C4orf50: variants seen among roughly 807,000 people sequenced by gnomAD.
C4orf50 encodes chromosome 4 open reading frame 50, also known as uncharacterized protein C4orf50.
C4orf50 carries 80 observed loss-of-function variants against 77.2 expected under a neutral mutation model. That is an observed-to-expected ratio of 1.04 (90% CI 0.87 to 1.25). C4orf50 has a LOEUF of 1.25. Ranked by LOEUF, C4orf50 falls within the 50% of genes most tolerant of loss-of-function variation. The pLI is 0.00. For synonymous variants in C4orf50, 532 were observed against 465.3 expected, an observed-to-expected ratio of 1.14 and a Z score of -1.84; for missense variants, 1,257 against 1,152.9, an observed-to-expected ratio of 1.09 and a Z score of -1.31.
chr4:5,930,700 C>T (rs558281374), intron 7 of C4orf50, among the ~76,000 whole-genome samples: 10 of 152,284 alleles, frequency 6.6e-5, no homozygotes, highest in South Asian at 6.2e-4. Context: ...TCTCCAGAGC[C>T]GGATCCCCCT....
chr4:5,952,903 G>A (rs999002067), downstream of C4orf50, among the ~76,000 whole-genome samples: 4 of 152,166 alleles, frequency 2.6e-5, no homozygotes, highest in Non-Finnish European at 4.4e-5. The surrounding 1 kb of genome is among the most constrained non-coding windows in gnomAD (Gnocchi z 4.4). Flanking sequence ...ATTCCCTATC[G>A]TAAGTTTTGG....
At chr4:5,980,404 A>C (rs1427297835) in intron 28 of C4orf50, 66 bp from the exon 7 acceptor site, 3 of 1,471,338 alleles carry the variant, frequency 2.0e-6, no homozygotes, top group Admixed American at 2.4e-5. Context: ...CTTAGCCAAC[A>C]AACGGTACCC....
At chr4:5,906,184 C>T (rs1366766743) in intron 7 of C4orf50, among the ~76,000 whole-genome samples, 2 of 151,210 alleles carry the variant, frequency 1.3e-5, no homozygotes, top group Non-Finnish European at 2.9e-5. Flanking sequence ...AGGAGATGAA[C>T]CTGTGACGGT....
rs1722477843 is a variant in C4orf50, at chr4:6,011,126, T to C, written c.426+704A>G. Among the ~76,000 whole-genome samples the C allele has an allele frequency of 6.6e-6, 1 of 151,998 alleles. No individual in the cohort carries two copies. The highest frequency in any genetic ancestry group is 1.5e-5 in the Non-Finnish European group (1 of 68,012). On this transcript the variant is annotated intron_variant, in intron 24 of 33. Coordinates refer to ENST00000531445, the Ensembl canonical transcript of C4orf50. This position sits in a 1 kb window ranked among gnomAD's most constrained non-coding sequence, Gnocchi z 4.2. ...AACTTCTCCCCCTGCCTCCATCATC[T>C]CTCTCTCCCATGCAGGGAGAATGGC...
At chr4:5,976,038 A>C in intron 29 of C4orf50, 83 bp from the exon 8 acceptor site, 2 of 1,169,002 alleles carry the variant, frequency 1.7e-6, no homozygotes, top group Non-Finnish European at 2.6e-6. Flanking sequence ...TGGGCTCAGA[A>C]CAGCTGGCAG....
At chr4:5,976,228 G>C (rs1047842257) in intron 29 of C4orf50, among the ~76,000 whole-genome samples, 2 of 151,778 alleles carry the variant, frequency 1.3e-5, no homozygotes, top group Non-Finnish European at 2.9e-5. Flanking sequence ...GGCGGATCAC[G>C]AGGTCAGGAG....
intron 33 of C4orf50, among the ~76,000 whole-genome samples, chr4:5,961,370 T>C (rs982145609): frequency 6.6e-6 from 1 of 152,248 alleles, no homozygotes; most frequent in Non-Finnish European, 1.5e-5. Context: ...ATGAAATTAC[T>C]GTTTCTGAGG....
At chr4:5,986,400 C>T in intron 28 of C4orf50, among the ~76,000 whole-genome samples, 1 of 110,750 alleles carries the variant, frequency 9.0e-6, no homozygotes, top group Non-Finnish European at 1.8e-5. Context: ...TCTAAATAAC[C>T]CAATGGGTCA....
In C4orf50 at chr4:6,018,051, G is replaced by A; in HGVS notation, c.287+94C>T. 1 of 397,708 alleles carries A rather than the reference G, an allele frequency of 2.5e-6. No homozygotes were observed. The highest frequency in any genetic ancestry group is 4.4e-6 in the Non-Finnish European group (1 of 225,998). 24.6% of individuals were successfully genotyped at this position (397,708 alleles called of 1,614,324 possible). On this transcript the variant is annotated intron_variant, in intron 23 of 33. Coordinates refer to ENST00000531445, the Ensembl canonical transcript of C4orf50. The surrounding 1 kb of genome is among the most constrained non-coding windows in gnomAD (Gnocchi z 5.1). ...TGTCTTTGGTGAGCCAGTTTCCCCA[G>A]CTGTGTGGTGTGATTCAACACACCA... is the stretch of plus-strand genomic sequence containing the variant.
At chr4:5,951,127 C>G (rs950362620) in intron 7 of C4orf50, among the ~76,000 whole-genome samples, 1 of 152,180 alleles carries the variant, frequency 6.6e-6, no homozygotes, top group Non-Finnish European at 1.5e-5. Flanking sequence ...ACTAGGGTCC[C>G]GTCGAGAGTC....
chr4:5,919,611 C>G lies in C4orf50; in HGVS notation c.*2475-21423G>C, dbSNP rs571374700. Among the ~76,000 whole-genome samples the G allele has an allele frequency of 2.0e-5, 3 of 152,344 alleles. No individual in the cohort carries two copies. Among genetic ancestry groups the G allele is most frequent in the South Asian group, 2.1e-4 (1 of 4,826 alleles). ...GAATCTCCCTTCCAATGCAACCACC[C>G]TGACCCCAAGGCATTAACCCCAGGT... On this transcript the variant is annotated intron_variant, in intron 7 of 7. Transcript: ENST00000324058. This position sits in a 1 kb window ranked among gnomAD's most constrained non-coding sequence, Gnocchi z 6.5.
chr4:5,954,176 A>C (rs1477530801), downstream of C4orf50, among the ~76,000 whole-genome samples: 1 of 152,116 alleles, frequency 6.6e-6, no homozygotes, highest in African/African-American at 2.4e-5. This position sits in a 1 kb window ranked among gnomAD's most constrained non-coding sequence, Gnocchi z 4.7. Flanking sequence ...CCATGGATGG[A>C]CTATCAGTGA....
chr4:5,907,693 G>C (rs1318024230), intron 7 of C4orf50, among the ~76,000 whole-genome samples: 1 of 152,174 alleles, frequency 6.6e-6, no homozygotes, highest in Non-Finnish European at 1.5e-5. Context: ...TCTAGATTGA[G>C]TTGTTAGTAA....
chr4:5,989,647 G>A (rs1721137156), exon 28 of C4orf50: 4 of 1,536,136 alleles, frequency 2.6e-6, no homozygotes, highest in Non-Finnish European at 2.6e-6. Flanking sequence ...GATTGTGAGT[G>A]CACACCTGTT....
intron 33 of C4orf50, among the ~76,000 whole-genome samples, chr4:5,963,077 C>G (rs1449248154): frequency 6.6e-6 from 1 of 150,916 alleles, no homozygotes; most frequent in African/African-American, 2.4e-5. Context: ...TCTTGGCTCA[C>G]TACAACCTCC....
intron 7 of C4orf50, among the ~76,000 whole-genome samples, chr4:5,944,277 A>G (rs1718390847): frequency 6.6e-6 from 1 of 152,040 alleles, no homozygotes; most frequent in Non-Finnish European, 1.5e-5. Context: ...CAGCCCCTCC[A>G]TGAAGGCTGG....
intron 7 of C4orf50, among the ~76,000 whole-genome samples, chr4:5,931,555 T>G (rs1717768393): frequency 6.6e-6 from 1 of 152,194 alleles, no homozygotes; most frequent in African/African-American, 2.4e-5. Flanking sequence ...ACTAGAAACC[T>G]GCCCTCTGCC....
intron 29 of C4orf50, among the ~76,000 whole-genome samples, chr4:5,977,134 G>A (rs868591631): frequency 2.2e-4 from 33 of 152,302 alleles, no homozygotes; most frequent in African/African-American, 7.7e-4. Flanking sequence ...AGGCCGCCGG[G>A]GACCCCCCAG....
At chr4:5,936,208 G>GAA (rs11333410) in intron 7 of C4orf50, among the ~76,000 whole-genome samples, 26,414 of 146,988 alleles carry the variant, frequency 0.18, 2,608 homozygotes, top group African/African-American at 0.26. Context: ...CATGCTGCAG[G>GAA]AAAAAAAAAA....
Sources: allele counts gnomAD v4.1 joint callset (sites outside exome capture counted in the v4.1 genomes callset), GRCh38; gene constraint gnomAD v4.1.1; non-coding constraint Gnocchi (gnomAD v3.1); transcripts MANE v1.5; gene names NCBI Gene and HGNC (gene_info 2026-07-23, HGNC 2026-07-21).